KAZN: variants seen among roughly 807,000 people sequenced by gnomAD.
KAZN encodes the protein kazrin, periplakin interacting protein.
In KAZN, 40 loss-of-function variants were observed where a neutral mutation model predicts 87.4. The ratio of observed to expected loss-of-function variants is 0.46; its 90% CI spans 0.36 to 0.60. The LOEUF is 0.60. KAZN is among the 20% of genes least tolerant of loss of function. The pLI, the probability that KAZN is intolerant of heterozygous loss-of-function variation, is 0.00. For missense variants in KAZN, 898 were observed against 1,073.9 expected, an observed-to-expected ratio of 0.84 and a Z score of 2.29; for synonymous variants, 466 against 458.3, an observed-to-expected ratio of 1.02 and a Z score of -0.22.
intron 1 of KAZN, among the ~76,000 whole-genome samples, chr1:14,681,194 C>T (rs1162001870): frequency 1.3e-5 from 2 of 152,184 alleles, no homozygotes; most frequent in Non-Finnish European, 2.9e-5. Flanking sequence ...GGGGTTACAT[C>T]GCAACATGAG....
intron 1 of KAZN, among the ~76,000 whole-genome samples, chr1:13,975,790 T>A (rs1638326076): frequency 6.6e-6 from 1 of 152,148 alleles, no homozygotes; most frequent in South Asian, 2.1e-4. Flanking sequence ...ATTGATGGGG[T>A]CAGTCAAGGC....
chr1:14,139,274 G>T (rs1645180432), intron 1 of KAZN, among the ~76,000 whole-genome samples: 2 of 152,178 alleles, frequency 1.3e-5, no homozygotes, highest in African/African-American at 4.8e-5. Context: ...AAGCTGATGT[G>T]GTACACCAAG....
intron 1 of KAZN, among the ~76,000 whole-genome samples, chr1:14,743,914 T>C (rs1280227528): frequency 6.6e-6 from 1 of 152,160 alleles, no homozygotes; most frequent in Non-Finnish European, 1.5e-5. Context: ...GGATCAATCT[T>C]ACCTCAACTG....
chr1:14,819,206 A>G (rs575034952), intron 1 of KAZN, among the ~76,000 whole-genome samples: 1 of 152,322 alleles, frequency 6.6e-6, no homozygotes, highest in South Asian at 2.1e-4. Flanking sequence ...GACTCGTTCA[A>G]TTTACCTTAA....
In KAZN at chr1:14,414,649, G is replaced by A. The variant is rs79409598; in HGVS notation, c.250-184334G>A. On this transcript the variant is annotated intron_variant, in intron 2 of 16. Transcript: ENST00000636203. ...GTGTGTATGTGTGTGTGTGTTATAC[G>A]TATGTAGCAAAAATAGAAAACCATA... Among the ~76,000 whole-genome samples, 140 of 152,140 alleles carry A rather than the reference G, an allele frequency of 9.2e-4. 4 individuals carry two copies. The East Asian group carries it at 0.023, about 25-fold the overall frequency.
chr1:14,374,014 T>C (rs1445756232), intron 2 of KAZN, among the ~76,000 whole-genome samples: 1 of 152,222 alleles, frequency 6.6e-6, no homozygotes, highest in African/African-American at 2.4e-5. Flanking sequence ...ACATATTTAG[T>C]TCTTCGTGGT....
intron 1 of KAZN, among the ~76,000 whole-genome samples, chr1:14,607,811 G>A (rs1196215186): frequency 6.6e-6 from 1 of 152,172 alleles, no homozygotes. Context: ...TAGCAAAAGG[G>A]ATGTTCCAGG....
chr1:14,604,111 A>T (rs529383509), intron 1 of KAZN, among the ~76,000 whole-genome samples: 2 of 152,280 alleles, frequency 1.3e-5, no homozygotes, highest in East Asian at 3.9e-4. Context: ...CTGAGCCCAG[A>T]GAATGGGTTT....
At chr1:14,883,396 AAAGAAAGAAAGAAAGAAAG>A (rs1653674297) in intron 1 of KAZN, among the ~76,000 whole-genome samples, 2 of 140,740 alleles carry the variant, frequency 1.4e-5, no homozygotes, top group African/African-American at 5.6e-5. Context: ...AGAAAGAAAG[AAAGAAAGAAAGAAAGAAAG>A]AAAGAAAGAA....
At chr1:14,854,725 C>T (rs1485096883) in intron 1 of KAZN, among the ~76,000 whole-genome samples, 1 of 151,116 alleles carries the variant, frequency 6.6e-6, no homozygotes, top group Non-Finnish European at 1.5e-5. Flanking sequence ...CTAGGCTGTA[C>T]CTGTCTGCCA....
intron 2 of KAZN, among the ~76,000 whole-genome samples, chr1:14,207,295 T>A (rs1397236021): frequency 6.6e-6 from 1 of 152,092 alleles, no homozygotes; most frequent in Non-Finnish European, 1.5e-5. Context: ...CATAAATTGC[T>A]CGGGTGATGT....
chr1:14,943,843 G>A (rs951555069), intron 1 of KAZN, among the ~76,000 whole-genome samples: 2 of 151,856 alleles, frequency 1.3e-5, no homozygotes, highest in African/African-American at 4.9e-5. Flanking sequence ...AGGCTGAGGC[G>A]GGCGGATCAC....
rs544210763 is a variant in KAZN at position 15,045,039 on chromosome 1, G to A, written c.726+880G>A. 3.9e-5 allele frequency among the ~76,000 whole-genome samples: 6 copies of A among 152,122 alleles called. No homozygotes were observed. In the South Asian group the frequency reaches 1.2e-3, roughly 32 times the overall value. On this transcript the variant is annotated intron_variant, in intron 4 of 14. Transcript: ENST00000376030. ...TTTGTGTGTGGGGACAGAGGGTCCG[G>A]GTCGGGAGAGAGAGCCCTGGAGGTC...
chr1:14,228,179 A>ATGTTGTTGG (rs754418820), intron 2 of KAZN, among the ~76,000 whole-genome samples: 8 of 152,258 alleles, frequency 5.3e-5, no homozygotes, highest in Non-Finnish European at 8.8e-5. Flanking sequence ...GATGTTGTTG[A>ATGTTGTTGG]TATTGGTAAT....
intron 3 of KAZN, among the ~76,000 whole-genome samples, chr1:15,039,728 A>G (rs1672701877): frequency 6.6e-6 from 1 of 151,542 alleles, no homozygotes; most frequent in Non-Finnish European, 1.5e-5. Flanking sequence ...ATTTGGCAAT[A>G]AAATTCCCAT....
chr1:15,029,551 G>A (rs1671479704), intron 2 of KAZN, among the ~76,000 whole-genome samples: 1 of 152,188 alleles, frequency 6.6e-6, no homozygotes, highest in Admixed American at 6.5e-5. Flanking sequence ...TGATAACAAG[G>A]ATGGAGCAGC....
intron 1 of KAZN, among the ~76,000 whole-genome samples, chr1:14,691,293 C>A (rs1641292128): frequency 6.6e-6 from 1 of 152,130 alleles, no homozygotes; most frequent in South Asian, 2.1e-4. Flanking sequence ...AAAGTGAACC[C>A]AGTAAGATAC....
At chr1:13,983,258 G>C (rs1159206321) in intron 1 of KAZN, among the ~76,000 whole-genome samples, 1 of 152,244 alleles carries the variant, frequency 6.6e-6, no homozygotes, top group African/African-American at 2.4e-5. Flanking sequence ...AGCCCACGGA[G>C]GGGTTGGGAG....
chr1:13,952,698 C>T (rs6429813), intron 1 of KAZN, among the ~76,000 whole-genome samples: 126,413 of 151,668 alleles, frequency 0.83, 52,700 homozygotes, highest in South Asian at 0.93. Flanking sequence ...AACCTGTGTG[C>T]ACACAGACGC....
Sources: gnomAD v4.1 joint callset for allele counts (sites outside exome capture counted in the v4.1 genomes callset) on GRCh38, gnomAD v4.1.1 for gene constraint, MANE v1.5 for transcripts, NCBI Gene and HGNC (gene_info 2026-07-23, HGNC 2026-07-21) for gene names.